SPATA20: variants seen among roughly 807,000 people sequenced by gnomAD.
SPATA20 encodes the protein spermatogenesis associated 20.
A neutral mutation model predicts 98.9 loss-of-function variants in SPATA20; 74 were observed. The observed-to-expected ratio is 0.75, with a 90% CI of 0.62 to 0.91. SPATA20 has a LOEUF of 0.91. Ranked by LOEUF, SPATA20 falls within the 40% of genes least tolerant of loss-of-function variation. The probability of loss-of-function intolerance (pLI) is 0.00; values close to 1 mark genes in which losing one functional copy is unlikely to be tolerated. For synonymous variants in SPATA20, 430 were observed against 440.5 expected (o/e 0.98, Z 0.30); for missense variants, 1,016 against 1,069.8 (o/e 0.95, Z 0.70).
chr17:50,553,206 A>G (rs1216495849), intron 14 of SPATA20, among the ~76,000 whole-genome samples: 1 of 152,248 alleles, frequency 6.6e-6, no homozygotes, highest in African/African-American at 2.4e-5. Context: ...CTCAAAGATC[A>G]GGACTTTCTG....
Position 50,555,712 on chromosome 17 carries a change from C to T in SPATA20, c.*50C>T. On this transcript the variant is annotated 3_prime_UTR_variant, in exon 17 of 17. Coordinates refer to ENST00000006658, the MANE Select transcript of SPATA20 (RefSeq NM_022827.4). ...GCAGAAGGTGAAGCATCCCAACTGACTAGAGACTCAGGCCCTGCAGGGCCC... is the reference window on the plus strand; with the variant it reads ...GCAGAAGGTGAAGCATCCCAACTGATTAGAGACTCAGGCCCTGCAGGGCCC... 1 of 1,548,740 alleles carries T rather than the reference C, an allele frequency of 6.5e-7. No individual in the cohort carries two copies. Among genetic ancestry groups the T allele is most frequent in the South Asian group, 1.2e-5 (1 of 86,124 alleles).
At chr17:50,551,345 A>G in intron 12 of SPATA20, 155 bp downstream of exon 12, 1 of 1,151,448 alleles carries the variant, frequency 8.7e-7, no homozygotes, top group Non-Finnish European at 1.2e-6. Flanking sequence ...AACCCGCCCA[A>G]GGTCACGCGC....
chr17:50,550,265 C>T lies in SPATA20; in HGVS notation c.1051C>T (p.Leu351Phe). 1 of 1,608,342 alleles carries T rather than the reference C, an allele frequency of 6.2e-7. No homozygotes were observed. Among genetic ancestry groups the T allele is most frequent in the Non-Finnish European group, 8.5e-7 (1 of 1,176,260 alleles). Residue 351 changes from leucine (L) to phenylalanine (F), a missense_variant, in exon 9 of 17, where the codon CTC (leucine) becomes TTC (phenylalanine). Physicochemically the swap from Leu to Phe is conservative, Grantham distance 22 (BLOSUM62 0). Transcript: ENST00000006658. ...QWHVPHFEKMLYDQAQLAVAY... is the reference protein window; with the variant it reads ...QWHVPHFEKMFYDQAQLAVAY... ...GCACGTCCCTCACTTTGAGAAGATG[C>T]TCTATGACCAGGCACAGCTCGCTGT... is the stretch of plus-strand genomic sequence containing the variant.
At chr17:50,548,061 G>A in intron 2 of SPATA20, 4 of 1,494,726 alleles carry the variant, frequency 2.7e-6, no homozygotes, top group Non-Finnish European at 3.5e-6. Flanking sequence ...GGTTGGGGGA[G>A]ACTAACCTGG....
rs767728113 is a variant in SPATA20 at position 50,548,395 on chromosome 17, C to T, written c.238C>T (p.Arg80Cys). ...ATCTACACCCCAGAGGGTCCCCAACCGCCTGATCCACGAGAAGTCACCATA... is the reference window on the plus strand; with the variant it reads ...ATCTACACCCCAGAGGGTCCCCAACTGCCTGATCCACGAGAAGTCACCATA... ...PSSTPQRVPN[R>C]LIHEKSPYLL... Residue 80 changes from arginine to cysteine, a missense_variant, in exon 3 of 17, where the codon CGC becomes TGC. Physicochemically the swap from Arg to Cys is radical, Grantham distance 180. Transcript: ENST00000006658. 15 of 1,614,042 alleles carry T rather than the reference C, an allele frequency of 9.3e-6. No homozygotes were observed. The highest frequency in any genetic ancestry group is 3.3e-5 in the South Asian group (3 of 91,080).
chr17:50,552,833 C>T (rs942308140), intron 14 of SPATA20, among the ~76,000 whole-genome samples: 7 of 152,080 alleles, frequency 4.6e-5, no homozygotes, highest in South Asian at 2.1e-4. Context: ...GGATTACAGG[C>T]GAGAGCCACC....
chr17:50,547,701 GAGGTCT>G lies in SPATA20; in HGVS notation c.78-18_78-13del. 1.3e-6 allele frequency: 1 copy of G among 781,050 alleles called. No homozygotes were observed. The highest frequency in any genetic ancestry group is 2.4e-6 in the Non-Finnish European group (1 of 418,252). The allele number at this position is 781,050 out of a possible 1,614,324, so 48.4% of individuals were successfully genotyped here. On this transcript the variant is annotated splice_polypyrimidine_tract_variant and intron_variant, in intron 1 of 16. Transcript: ENST00000006658. Reference sequence around the variant, plus strand: ...GTCCCACTTCCAGGCTGAACTCCCTGAGGTCTCTGATTCCCTAGGTGTCCTGGAGTC... The same window carrying G: ...GTCCCACTTCCAGGCTGAACTCCCTGCTGATTCCCTAGGTGTCCTGGAGTC...
At position 50,550,298 on chromosome 17, in the gene SPATA20, T is replaced by C. The variant is rs746078289; in HGVS notation, c.1084T>C (p.Ser362Pro). Residue 362 changes from serine to proline, a missense_variant, in exon 9 of 17, where the codon TCG (serine) becomes CCG (proline). By Grantham distance (74) the Ser-to-Pro change is moderately conservative (BLOSUM62 -1). Coordinates refer to ENST00000006658, the MANE Select transcript of SPATA20 (RefSeq NM_022827.4). ...YDQAQLAVAY[S>P]QAFQLSGDEF... ...CCAGGCACAGCTCGCTGTGGCCTATTCGCAGGCCTTCCAGGTGACCCCTGA... is the reference window on the plus strand; with the variant it reads ...CCAGGCACAGCTCGCTGTGGCCTATCCGCAGGCCTTCCAGGTGACCCCTGA... 3.1e-6 allele frequency: 5 copies of C among 1,587,332 alleles called. No individual in the cohort carries two copies. The highest frequency in any genetic ancestry group is 4.3e-6 in the Non-Finnish European group (5 of 1,162,664).
chr17:50,547,864 A>G (rs1273055563), intron 2 of SPATA20, 97 bp downstream of exon 2: 2 of 1,103,984 alleles, frequency 1.8e-6, no homozygotes, highest in Middle Eastern at 2.0e-4. Context: ...CTGTCCAGCC[A>G]CCAACAGTAG....
chr17:50,547,969 A>G (rs962525666), intron 2 of SPATA20: 1 of 1,496,058 alleles, frequency 6.7e-7, no homozygotes, highest in African/African-American at 1.4e-5. Context: ...GGGGAGGGGT[A>G]AGAATGGAGC....
At chr17:50,549,697 C>T (rs1597869783) in intron 7 of SPATA20, among the ~76,000 whole-genome samples, 1 of 152,260 alleles carries the variant, frequency 6.6e-6, no homozygotes, top group Non-Finnish European at 1.5e-5. Context: ...TGATGACCTT[C>T]TGTCCCCTGA....
chr17:50,552,992 G>A (rs1236619658), intron 14 of SPATA20, among the ~76,000 whole-genome samples: 1 of 152,208 alleles, frequency 6.6e-6, no homozygotes, highest in Non-Finnish European at 1.5e-5. Context: ...AGGCTCACTT[G>A]GTCTCTGCCC....
chr17:50,555,645 A>G lies in SPATA20; in HGVS notation c.2392A>G (p.Lys798Glu). 6.2e-7 allele frequency: 1 copy of G among 1,613,896 alleles called. No homozygotes were observed. Among genetic ancestry groups the G allele is most frequent in the Non-Finnish European group, 8.5e-7 (1 of 1,179,912 alleles). The change falls in exon 17 of 17, where the codon AAA (lysine) becomes GAA (glutamate). Residue 798 changes from lysine (K) to glutamate (E), a missense_variant. Physicochemically the swap from Lys to Glu is moderately conservative, Grantham distance 56 (BLOSUM62 1). Coordinates refer to ENST00000006658, the MANE Select transcript of SPATA20 (RefSeq NM_022827.4). ...CATCACTGATCCCTGCGAATTACGA[A>G]AACTACTACATCCATGACTGCCCCA... Reference protein sequence around the residue: ...VPITDPCELRKLLHP With the variant: ...VPITDPCELRELLHP
rs114590889 is a variant in SPATA20 at position 50,554,834 on chromosome 17, G to A, written c.2157+384G>A. 2.9e-3 allele frequency among the ~76,000 whole-genome samples: 447 copies of A among 152,008 alleles called. 3 individuals are homozygous for A. The highest frequency in any genetic ancestry group is 0.01 in the African/African-American group (422 of 41,442). ...TTTGCCTCTGTGTCTGCCTGCATGC[G>A]TGTGTGTCTGGTGTTTGTGTGTGTG... On this transcript the variant is annotated intron_variant, in intron 15 of 16. Transcript: ENST00000006658.
chr17:50,552,019 G>T lies in SPATA20; in HGVS notation c.1796G>T (p.Gly599Val). Residue 599 changes from glycine to valine, a missense_variant, in exon 14 of 17, where the codon GGC becomes GTC. Physicochemically the swap from Gly to Val is moderately radical, Grantham distance 109. Coordinates refer to ENST00000006658, the MANE Select transcript of SPATA20 (RefSeq NM_022827.4). ...FLEDYAFVVR[G>V]LLDLYEASQE... ...GAGGACTACGCCTTCGTGGTGCGGG[G>T]CCTGCTGGACCTGTATGAGGCCTCA... The T allele has an allele frequency of 6.2e-7, 1 of 1,613,260 alleles. No homozygotes were observed. The highest frequency in any genetic ancestry group is 8.5e-7 in the Non-Finnish European group (1 of 1,179,726).
rs1047846734 is a variant in SPATA20, at chr17:50,547,287, T to C, written c.77+2T>C. ...TGCAGGCCTCGCCGCGAGCCGCAGG[T>C]ACGGGCGGGCGAGCGGGCCCCTAGG... is the stretch of plus-strand genomic sequence containing the variant. On this transcript the variant is annotated splice_donor_variant, in intron 1 of 16. Transcript: ENST00000006658. LOFTEE classifies it high-confidence loss of function. 7.3e-6 allele frequency: 10 copies of C among 1,378,194 alleles called. No homozygotes were observed. In the African/African-American group the frequency reaches 1.5e-4, roughly 21 times the overall value. 85.4% of individuals were successfully genotyped at this position (1,378,194 alleles called of 1,614,324 possible).
chr17:50,548,030 T>G (rs1394047649), intron 2 of SPATA20: 1 of 1,473,678 alleles, frequency 6.8e-7, no homozygotes, highest in Non-Finnish European at 8.9e-7. Context: ...ACAGCCATCC[T>G]TCCCACCGCC....
chr17:50,547,453 A>C, intron 1 of SPATA20, 168 bp downstream of exon 1: 1 of 635,576 alleles, frequency 1.6e-6, no homozygotes, highest in South Asian at 1.9e-5. Context: ...TCTGGCTGTA[A>C]GGCCCTCCTC....
intron 4 of SPATA20, 94 bp downstream of exon 4, chr17:50,548,712 C>G (rs954214493): frequency 6.3e-7 from 1 of 1,587,476 alleles, no homozygotes; most frequent in African/African-American, 1.3e-5. Context: ...TTCCAGGAGA[C>G]TAGAGGCCAG....
Sources: allele counts gnomAD v4.1 joint callset (sites outside exome capture counted in the v4.1 genomes callset), GRCh38; gene constraint gnomAD v4.1.1; transcripts MANE v1.5; gene names NCBI Gene and HGNC (gene_info 2026-07-23, HGNC 2026-07-21).